The following BANK1 variants were observed in gnomAD, a reference collection of about 807,000 sequenced individuals.
The protein encoded by BANK1 is B cell scaffold protein with ankyrin repeats 1.
Under a neutral mutation model 94.5 loss-of-function variants are expected in BANK1, and 95 were observed. That is an observed-to-expected ratio of 1.00 (90% confidence interval 0.85 to 1.19). The LOEUF (loss-of-function observed/expected upper bound fraction) is 1.19. Ranked by LOEUF, BANK1 falls within the 50% of genes most tolerant of loss-of-function variation. The pLI, the probability that BANK1 is intolerant of heterozygous loss-of-function variation, is 0.00. For missense variants in BANK1, 987 were observed against 932.2 expected (o/e 1.06, Z -0.77); for synonymous variants, 334 against 308.4 (o/e 1.08, Z -0.87).
At chr4:102,000,517 AAG>A (rs1207089901) in intron 7 of BANK1, among the ~76,000 whole-genome samples, 1 of 152,128 alleles carries the variant, frequency 6.6e-6, no homozygotes, top group African/African-American at 2.4e-5. Context: ...GATCTTCAGT[AAG>A]AGGGTGGGAA....
chr4:101,902,381 G>C (rs187538450), intron 6 of BANK1, among the ~76,000 whole-genome samples: 5 of 152,108 alleles, frequency 3.3e-5, no homozygotes, highest in Non-Finnish European at 5.9e-5. Flanking sequence ...ATGCTATTAA[G>C]GTTTTATATT....
intron 7 of BANK1, among the ~76,000 whole-genome samples, chr4:102,012,357 C>T (rs967466841): frequency 7.3e-5 from 11 of 150,086 alleles, no homozygotes; most frequent in African/African-American, 1.7e-4. Flanking sequence ...TCACATTTTC[C>T]GTTTTTAGGT....
At chr4:101,936,457 TTATA>T (rs1383056563) in intron 7 of BANK1, among the ~76,000 whole-genome samples, 2 of 150,212 alleles carry the variant, frequency 1.3e-5, no homozygotes, top group African/African-American at 4.9e-5. Flanking sequence ...TGCATATACT[TTATA>T]TGTATGATAT....
intron 5 of BANK1, among the ~76,000 whole-genome samples, chr4:101,885,956 A>G (rs557516340): frequency 1.2e-4 from 18 of 152,240 alleles, no homozygotes; most frequent in Non-Finnish European, 2.4e-4. Context: ...AAGTAGTTGT[A>G]TATCTGAACA....
chr4:101,977,902 C>CA (rs1276640007), intron 7 of BANK1, among the ~76,000 whole-genome samples: 1 of 152,030 alleles, frequency 6.6e-6, no homozygotes, highest in African/African-American at 2.4e-5. Flanking sequence ...CAAATTTCAA[C>CA]AAATACCAAT....
Position 101,944,174 on chromosome 4 carries a change from C to A in BANK1, c.1206+25985C>A, listed in dbSNP as rs80291770. Among the ~76,000 whole-genome samples, 850 of 151,750 alleles carry A rather than the reference C, an allele frequency of 5.6e-3. 15 individuals are homozygous for A. The East Asian group carries it at 0.057, about 10-fold the overall frequency. ...TTTTCCTTATAGTCAATGTATCAGT[C>A]GAGAAATTTTAGCATATGGTATGCT... On this transcript the variant is annotated intron_variant, in intron 7 of 16. Coordinates refer to ENST00000322953, the MANE Select transcript of BANK1 (RefSeq NM_017935.5).
intron 7 of BANK1, among the ~76,000 whole-genome samples, chr4:101,951,312 A>T (rs1430870689): frequency 1.3e-5 from 2 of 152,130 alleles, no homozygotes; most frequent in African/African-American, 4.8e-5. Flanking sequence ...TTAAGAACTT[A>T]GAGCTTTTTT....
chr4:101,859,056 CAG>C (rs1727780080), intron 3 of BANK1, among the ~76,000 whole-genome samples: 2 of 152,158 alleles, frequency 1.3e-5, no homozygotes, highest in East Asian at 3.8e-4. Context: ...CAATTTAAAA[CAG>C]TGTACAAAAG....
chr4:101,957,215 G>A (rs996423607), intron 7 of BANK1, among the ~76,000 whole-genome samples: 24 of 152,104 alleles, frequency 1.6e-4, no homozygotes, highest in Non-Finnish European at 2.8e-4. Flanking sequence ...AGGTTAAGTA[G>A]TATGGCTACC....
At chr4:101,883,104 A>G (rs1728735838) in intron 5 of BANK1, among the ~76,000 whole-genome samples, 2 of 152,184 alleles carry the variant, frequency 1.3e-5, no homozygotes, top group South Asian at 4.1e-4. Flanking sequence ...CTTGTATTTT[A>G]CTGATAACAT....
At chr4:101,793,635 C>T (rs58920836) in intron 1 of BANK1, among the ~76,000 whole-genome samples, 1 of 152,078 alleles carries the variant, frequency 6.6e-6, no homozygotes, top group South Asian at 2.1e-4. Context: ...GATCTAGTCC[C>T]AGCTTCATTG....
chr4:101,852,809 G>C (rs1222535357), intron 2 of BANK1, among the ~76,000 whole-genome samples: 3 of 151,894 alleles, frequency 2.0e-5, no homozygotes, highest in Admixed American at 2.0e-4. Flanking sequence ...TATTCATAGA[G>C]ATAAATCTTT....
intron 6 of BANK1, among the ~76,000 whole-genome samples, chr4:101,896,368 G>C (rs1331633514): frequency 1.3e-5 from 2 of 151,914 alleles, no homozygotes; most frequent in Non-Finnish European, 2.9e-5. Flanking sequence ...TTTATTTTCT[G>C]TAGGGTTTCT....
intron 1 of BANK1, among the ~76,000 whole-genome samples, chr4:101,806,941 C>T (rs929609945): frequency 6.6e-6 from 1 of 152,156 alleles, no homozygotes; most frequent in Non-Finnish European, 1.5e-5. Context: ...TATCTTTACC[C>T]TAACCCAATA....
intron 6 of BANK1, among the ~76,000 whole-genome samples, chr4:101,908,998 G>C (rs961698266): frequency 1.3e-5 from 2 of 152,172 alleles, no homozygotes; most frequent in Non-Finnish European, 2.9e-5. Context: ...AGACAGTGTG[G>C]TGATTCCTCA....
chr4:101,879,038 T>G (rs897898408), intron 5 of BANK1, among the ~76,000 whole-genome samples: 2 of 150,902 alleles, frequency 1.3e-5, no homozygotes, highest in Non-Finnish European at 3.0e-5. Flanking sequence ...TACCGATACA[T>G]CTTAAAGAAC....
intron 7 of BANK1, among the ~76,000 whole-genome samples, chr4:101,988,380 ATTTGAAGTTATTCAT>A (rs1324547312): frequency 6.6e-6 from 1 of 152,150 alleles, no homozygotes; most frequent in East Asian, 1.9e-4. Flanking sequence ...TCCCTGAGAA[ATTTGAAGTTATTCAT>A]AATTACACAT....
At chr4:102,065,635 T>C (rs1728565839) in intron 13 of BANK1, among the ~76,000 whole-genome samples, 1 of 152,004 alleles carries the variant, frequency 6.6e-6, no homozygotes, top group Non-Finnish European at 1.5e-5. Flanking sequence ...AAACAGACTT[T>C]AAAGCACCTT....
At chr4:101,923,994 G>C (rs1234833479) in intron 7 of BANK1, among the ~76,000 whole-genome samples, 1 of 151,640 alleles carries the variant, frequency 6.6e-6, no homozygotes, top group East Asian at 1.9e-4. Flanking sequence ...GTTGTTTGCG[G>C]TATTTTTGCC....
Sources: gnomAD v4.1 joint callset for allele counts (sites outside exome capture counted in the v4.1 genomes callset) on GRCh38, gnomAD v4.1.1 for gene constraint, MANE v1.5 for transcripts, NCBI Gene and HGNC (gene_info 2026-07-23, HGNC 2026-07-21) for gene names.